The following AGBL4 variants were observed in gnomAD, a reference collection of about 807,000 sequenced individuals.
The protein encoded by AGBL4 is AGBL carboxypeptidase 4.
AGBL4 carries 58 observed loss-of-function variants against 66.4 expected under a neutral mutation model. The observed-to-expected ratio is 0.87, with a 90% CI of 0.71 to 1.09. The LOEUF is 1.09. Among genes scored for constraint, AGBL4 ranks in the 50% least tolerant of loss-of-function variants. AGBL4 has a pLI of 0.00. For synonymous variants in AGBL4, 234 were observed against 222.9 expected (o/e 1.05, Z -0.44); for missense variants, 579 against 631.0 (o/e 0.92, Z 0.88).
At chr1:49,891,924 A>G (rs1433823546) in intron 1 of AGBL4, among the ~76,000 whole-genome samples, 2 of 152,216 alleles carry the variant, frequency 1.3e-5, no homozygotes, top group South Asian at 4.1e-4. Flanking sequence ...CTGTCTTCAG[A>G]GCTACATCAT....
intron 4 of AGBL4, among the ~76,000 whole-genome samples, chr1:49,068,942 A>G (rs1372382273): frequency 6.6e-6 from 1 of 152,216 alleles, no homozygotes; most frequent in Non-Finnish European, 1.5e-5. Flanking sequence ...GTGAGATGGT[A>G]TCTCACTGTA....
intron 6 of AGBL4, among the ~76,000 whole-genome samples, chr1:48,837,807 T>A (rs1646719574): frequency 1.0e-5 from 1 of 97,962 alleles, no homozygotes; most frequent in African/African-American, 2.7e-5. Flanking sequence ...GAGAGTGGTA[T>A]GAGGGGCATG....
At chr1:48,742,775 G>C in intron 6 of AGBL4, 1 of 1,564,290 alleles carries the variant, frequency 6.4e-7, no homozygotes, top group Non-Finnish European at 8.7e-7. Flanking sequence ...GCGGGACCTA[G>C]GCAGTTAAGA....
intron 3 of AGBL4, among the ~76,000 whole-genome samples, chr1:49,323,793 G>T (rs1445257071): frequency 6.7e-6 from 1 of 150,092 alleles, no homozygotes; most frequent in African/African-American, 2.4e-5. Flanking sequence ...AGCCCCTAAG[G>T]CCTGGCAAAC....
At chr1:48,943,810 C>T (rs1416482654) in intron 5 of AGBL4, among the ~76,000 whole-genome samples, 1 of 151,754 alleles carries the variant, frequency 6.6e-6, no homozygotes, top group Non-Finnish European at 1.5e-5. Context: ...GTTGATGGTG[C>T]CTGTGTTGAT....
intron 3 of AGBL4, among the ~76,000 whole-genome samples, chr1:49,546,475 C>A (rs899198011): frequency 6.6e-6 from 1 of 151,848 alleles, no homozygotes; most frequent in Admixed American, 6.6e-5. Context: ...TATGAACATG[C>A]GTTTGCAAAT....
At chr1:49,093,960 A>G (rs1425676354) in intron 4 of AGBL4, among the ~76,000 whole-genome samples, 1 of 152,184 alleles carries the variant, frequency 6.6e-6, no homozygotes, top group African/African-American at 2.4e-5. Flanking sequence ...AGAAATAGCA[A>G]TGGGGAGGAA....
At position 49,621,029 on chromosome 1, in the gene AGBL4, A is replaced by G. The variant is rs1328501504; in HGVS notation, c.282+76284T>C. Among the ~76,000 whole-genome samples, 3 of 152,170 alleles carry G rather than the reference A, an allele frequency of 2.0e-5. No individual in the cohort carries two copies. In the East Asian group the frequency reaches 5.8e-4, roughly 29 times the overall value. Reference sequence around the variant, plus strand: ...GCTAGTGCTCTAGCACCAAAATGACATGTTTGCAGTAACATTTATATGAAT... The same window carrying G: ...GCTAGTGCTCTAGCACCAAAATGACGTGTTTGCAGTAACATTTATATGAAT... On this transcript the variant is annotated intron_variant, in intron 3 of 13. Transcript: ENST00000371839.
At position 49,018,003 on chromosome 1, in the gene AGBL4, C is replaced by T. The variant is rs576913593; in HGVS notation, c.594+27581G>A. 8.9e-4 allele frequency among the ~76,000 whole-genome samples: 135 copies of T among 152,268 alleles called. 1 individual carries two copies. The highest frequency in any genetic ancestry group is 7.8e-4 in the Admixed American group (12 of 15,294). ...ACCATTGTCATAGGCCTGGTCTCTT[C>T]CTACATGACAAGCCGAGGAGCTGCA... On this transcript the variant is annotated intron_variant, in intron 5 of 13. Transcript: ENST00000371839.
intron 2 of AGBL4, among the ~76,000 whole-genome samples, chr1:49,791,504 C>T (rs994449218): frequency 6.6e-6 from 1 of 151,984 alleles, no homozygotes; most frequent in East Asian, 1.9e-4. Context: ...AATGGTTTCC[C>T]AATACACATC....
At chr1:48,706,966 T>A (rs1324953266) in intron 6 of AGBL4, among the ~76,000 whole-genome samples, 1 of 152,226 alleles carries the variant, frequency 6.6e-6, no homozygotes, top group East Asian at 1.9e-4. Flanking sequence ...ATCAGTCATC[T>A]CCCAGGCTCT....
At chr1:48,619,614 C>T (rs529953962) in intron 9 of AGBL4, among the ~76,000 whole-genome samples, 12 of 152,306 alleles carry the variant, frequency 7.9e-5, no homozygotes, top group Admixed American at 5.2e-4. Context: ...AAAGATTCGC[C>T]TTAGCAGTTG....
At chr1:49,937,375 C>G in intron 1 of AGBL4, among the ~76,000 whole-genome samples, 1 of 151,858 alleles carries the variant, frequency 6.6e-6, no homozygotes, top group Non-Finnish European at 1.5e-5. Context: ...ACTTAGACTC[C>G]CACACAATAA....
Position 49,433,514 on chromosome 1 carries a change from C to CT in AGBL4, c.283-187651dup, listed in dbSNP as rs566869435. Among the ~76,000 whole-genome samples, 192 of 152,216 alleles carry CT rather than the reference C, an allele frequency of 1.3e-3. 2 individuals carry two copies. In the Middle Eastern group the frequency reaches 0.017, roughly 13 times the overall value. Reference sequence around the variant, plus strand: ...TGTTGAGTGAGAGAATAGGAACACACTTTAGTTTTTTCCTATGTTTCTCAC... The same window carrying CT: ...TGTTGAGTGAGAGAATAGGAACACACTTTTAGTTTTTTCCTATGTTTCTCAC... On this transcript the variant is annotated intron_variant, in intron 3 of 13. Coordinates refer to ENST00000371839, the MANE Select transcript of AGBL4 (RefSeq NM_032785.4).
intron 1 of AGBL4, among the ~76,000 whole-genome samples, chr1:49,971,966 G>T: frequency 8.9e-6 from 1 of 112,634 alleles, no homozygotes; most frequent in African/African-American, 3.4e-5. Flanking sequence ...CACCCAGGCT[G>T]GACTGCAGTG....
intron 5 of AGBL4, among the ~76,000 whole-genome samples, chr1:48,996,487 G>A (rs1050309825): frequency 1.3e-5 from 2 of 152,190 alleles, no homozygotes; most frequent in African/African-American, 4.8e-5. Flanking sequence ...AGGACTAAGG[G>A]AGTGTGGTAT....
intron 6 of AGBL4, chr1:48,818,361 A>G (rs1433037239): frequency 5.8e-6 from 4 of 685,868 alleles, no homozygotes; most frequent in Non-Finnish European, 1.1e-5. Context: ...TACATGAAAC[A>G]TTGCACTAAG....
At chr1:48,705,693 T>G (rs982958980) in intron 6 of AGBL4, among the ~76,000 whole-genome samples, 3 of 152,192 alleles carry the variant, frequency 2.0e-5, no homozygotes, top group Non-Finnish European at 2.9e-5. Context: ...AATTACACAG[T>G]AATGTTAAAA....
chr1:49,720,744 G>T (rs1195191188), intron 2 of AGBL4, among the ~76,000 whole-genome samples: 1 of 152,216 alleles, frequency 6.6e-6, no homozygotes, highest in East Asian at 1.9e-4. Context: ...AGGCATAAAA[G>T]AAGCTATTAA....
Sources: gnomAD v4.1 joint callset for allele counts (sites outside exome capture counted in the v4.1 genomes callset) on GRCh38, gnomAD v4.1.1 for gene constraint, MANE v1.5 for transcripts, NCBI Gene and HGNC (gene_info 2026-07-23, HGNC 2026-07-21) for gene names.